The following CIP2A variants were observed in gnomAD, a reference collection of about 807,000 sequenced individuals.
The protein encoded by CIP2A is protein CIP2A.
In CIP2A, 103 loss-of-function variants were observed where a neutral mutation model predicts 110.9. The ratio of observed to expected loss-of-function variants is 0.93; its 90% CI spans 0.79 to 1.09. CIP2A has a LOEUF of 1.09. Ranked by LOEUF, CIP2A falls within the 50% of genes least tolerant of loss-of-function variation. The pLI, the probability that CIP2A is intolerant of heterozygous loss-of-function variation, is 0.00. For missense variants in CIP2A, 1,088 were observed against 1,038.4 expected (o/e 1.05, Z -0.66); for synonymous variants, 381 against 361.6 (o/e 1.05, Z -0.61).
chr3:108,567,137 C>T (rs1019709043), intron 10 of CIP2A, among the ~76,000 whole-genome samples: 2 of 151,760 alleles, frequency 1.3e-5, no homozygotes, highest in African/African-American at 2.4e-5. Context: ...TTTAAACAAT[C>T]ACAAACAAAA....
intron 17 of CIP2A, among the ~76,000 whole-genome samples, chr3:108,555,083 G>A (rs1426757967): frequency 6.6e-6 from 1 of 152,128 alleles, no homozygotes; most frequent in Non-Finnish European, 1.5e-5. Flanking sequence ...AGTGCCTTTA[G>A]ACAGTCCTGA....
At chr3:108,584,898 G>A in intron 2 of CIP2A, 167 bp downstream of exon 2, 1 of 495,128 alleles carries the variant, frequency 2.0e-6, no homozygotes, top group Non-Finnish European at 3.5e-6. Flanking sequence ...ATCATTCTTT[G>A]ATCGGTAGCT....
At chr3:108,554,996 C>CA (rs1411476794) in intron 17 of CIP2A, among the ~76,000 whole-genome samples, 3 of 151,816 alleles carry the variant, frequency 2.0e-5, no homozygotes, top group African/African-American at 4.8e-5. Context: ...CCAAAACAAA[C>CA]AAAAAAAACC....
chr3:108,566,541 C>T lies in CIP2A; in HGVS notation c.1371G>A (p.Lys457=). The change falls in exon 11 of 21, where the codon AAG becomes AAA. Residue 457 remains lysine (K), a synonymous_variant. Coordinates refer to ENST00000295746, the MANE Select transcript of CIP2A (RefSeq NM_020890.3). ...CCTTTGTTCCAAATCCCAGGTCAAT[C>T]TTGCCATATGTAAATTGTTGTTCTA... ...TLIEQQFTYG[K]IDLGFGTKVA... 6.2e-7 allele frequency: 1 copy of T among 1,608,124 alleles called. No individual in the cohort carries two copies. The highest frequency in any genetic ancestry group is 8.5e-7 in the Non-Finnish European group (1 of 1,176,952).
chr3:108,560,894 G>A, intron 13 of CIP2A, 53 bp from the exon 14 acceptor site: 1 of 1,284,740 alleles, frequency 7.8e-7, no homozygotes, highest in Non-Finnish European at 1.1e-6. Flanking sequence ...TAGAAGAAAA[G>A]GCAGACTTAG....
intron 8 of CIP2A, 86 bp downstream of exon 8, chr3:108,576,185 G>T: frequency 2.7e-6 from 2 of 740,046 alleles, no homozygotes; most frequent in East Asian, 2.8e-5. Flanking sequence ...TGTGCATTTG[G>T]ATTTTTCTGT....
intron 3 of CIP2A, 61 bp downstream of exon 3, chr3:108,582,916 G>C: frequency 1.0e-6 from 1 of 993,560 alleles, no homozygotes; most frequent in Non-Finnish European, 1.5e-6. Context: ...GTTTATGACA[G>C]AAACTATCAA....
intron 8 of CIP2A, among the ~76,000 whole-genome samples, chr3:108,569,917 G>A (rs1023216220): frequency 5.9e-5 from 9 of 151,876 alleles, no homozygotes; most frequent in Non-Finnish European, 8.8e-5. Flanking sequence ...ACAGAAACCT[G>A]TTTTGTTTAT....
rs1322006162 is a variant in CIP2A, at chr3:108,569,416, T to G, written c.1086A>C (p.Ala362=). 3.1e-6 allele frequency: 5 copies of G among 1,612,322 alleles called. No homozygotes were observed. In the East Asian group the frequency reaches 1.1e-4, roughly 36 times the overall value. Residue 362 remains alanine (A), a synonymous_variant, in exon 9 of 21, where the codon GCA becomes GCC. Transcript: ENST00000295746. ...LDGSENCSVL[A]LELFKEIFED... ...CAAATATTTCCTTGAACAACTCCAA[T>G]GCTAAAACAGAACAGTTTTCTGATC...
intron 9 of CIP2A, 37 bp downstream of exon 9, chr3:108,569,352 A>G: frequency 2.7e-6 from 4 of 1,484,142 alleles, no homozygotes; most frequent in South Asian, 2.3e-5. Flanking sequence ...TGAGAGTCAC[A>G]AAAGTAGAAA....
In CIP2A at chr3:108,579,354, G is replaced by T. The variant is rs1559701502; in HGVS notation, c.745C>A (p.Leu249Ile). 6.2e-7 allele frequency: 1 copy of T among 1,604,238 alleles called. No individual in the cohort carries two copies. Residue 249 changes from leucine (L) to isoleucine (I), a missense_variant, in exon 7 of 21, where the codon CTA becomes ATA. Leu to Ile is a conservative substitution (Grantham distance 5, BLOSUM62 2). Coordinates refer to ENST00000295746, the MANE Select transcript of CIP2A (RefSeq NM_020890.3). ...FNILINGDGT[L>I]TRKYSVDLLM... ...AGGTCAACTGAATACTTTCTAGTTA[G>T]AGTGCCATCACCGTTTATGAGAATA... is the stretch of plus-strand genomic sequence containing the variant.
chr3:108,575,280 A>G (rs1346863197), intron 8 of CIP2A, among the ~76,000 whole-genome samples: 2 of 130,666 alleles, frequency 1.5e-5, no homozygotes, highest in East Asian at 1.9e-4. Context: ...ATACACACAC[A>G]CGTGTACGTA....
intron 5 of CIP2A, 86 bp downstream of exon 5, chr3:108,581,328 GT>G: frequency 1.1e-6 from 1 of 915,350 alleles, no homozygotes; most frequent in Non-Finnish European, 1.7e-6. Flanking sequence ...GTTCAAATTT[GT>G]TTTAAAGAAA....
chr3:108,550,287 A>C lies in CIP2A; in HGVS notation c.*862T>G, dbSNP rs2083880748. On this transcript the variant is annotated 3_prime_UTR_variant, in exon 21 of 21. Transcript: ENST00000295746. ...CCAATTAAAAACTATTAGGACAACA[A>C]ATTAAATACAATTCATATCAGAATT... 6.6e-6 allele frequency: 1 copy of C among 151,550 alleles called. No homozygotes were observed. The highest frequency in any genetic ancestry group is 1.5e-5 in the Non-Finnish European group (1 of 67,698). 9.4% of individuals were successfully genotyped at this position (151,550 alleles called of 1,614,324 possible).
chr3:108,576,550 T>C (rs1938659993), intron 7 of CIP2A, among the ~76,000 whole-genome samples: 1 of 152,180 alleles, frequency 6.6e-6, no homozygotes, highest in Non-Finnish European at 1.5e-5. Context: ...GGCTGTGTCA[T>C]TTATTAAAAC....
Position 108,554,360 on chromosome 3 carries a change from G to C in CIP2A, c.2324+16C>G. ...AAAAATCCCACATATTCAGAATATA[G>C]AACTAGAGATTTTACTTTTCATTTT... On this transcript the variant is annotated intron_variant, in intron 18 of 20. Transcript: ENST00000295746. The C allele has an allele frequency of 9.4e-7, 1 of 1,060,234 alleles. No individual in the cohort carries two copies. The highest frequency in any genetic ancestry group is 1.4e-6 in the Non-Finnish European group (1 of 700,226). 65.7% of individuals were successfully genotyped at this position (1,060,234 alleles called of 1,614,324 possible).
At chr3:108,576,961 G>A (rs1012302054) in intron 7 of CIP2A, among the ~76,000 whole-genome samples, 1 of 152,138 alleles carries the variant, frequency 6.6e-6, no homozygotes, top group Non-Finnish European at 1.5e-5. Flanking sequence ...CTATAATGGA[G>A]GAATGTAGGA....
At chr3:108,589,165 G>A (rs1337343827) in intron 1 of CIP2A, 109 bp downstream of exon 1, 6 of 764,476 alleles carry the variant, frequency 7.8e-6, no homozygotes, top group Non-Finnish European at 1.3e-5. Context: ...CAGAGGGATC[G>A]AAGGACTGTC....
intron 18 of CIP2A, 55 bp downstream of exon 18, chr3:108,554,321 T>A: frequency 1.4e-6 from 1 of 695,716 alleles, no homozygotes; most frequent in Non-Finnish European, 2.5e-6. Flanking sequence ...ATAAAGGGAA[T>A]CATTTTGTTT....
Sources: gnomAD v4.1 joint callset for allele counts (sites outside exome capture counted in the v4.1 genomes callset) on GRCh38, gnomAD v4.1.1 for gene constraint, MANE v1.5 for transcripts, NCBI Gene and HGNC (gene_info 2026-07-23, HGNC 2026-07-21) for gene names.